The following RALA variants were observed in gnomAD, a reference collection of about 807,000 sequenced individuals.
RALA encodes the protein RAS like proto-oncogene A.
In RALA, 5 loss-of-function variants were observed where a neutral mutation model predicts 24.0. The observed-to-expected ratio is 0.21, with a 90% CI of 0.11 to 0.44. RALA has a LOEUF of 0.44. RALA is among the 20% of genes least tolerant of loss of function. RALA has a pLI of 0.99. For synonymous variants in RALA, 77 were observed against 83.8 expected, an observed-to-expected ratio of 0.92 and a Z score of 0.44; for missense variants, 95 against 241.2, an observed-to-expected ratio of 0.39 and a Z score of 4.01.
At chr7:39,685,038 C>T (rs973448586) in intron 1 of RALA, among the ~76,000 whole-genome samples, 3 of 150,976 alleles carry the variant, frequency 2.0e-5, no homozygotes, top group African/African-American at 7.4e-5. Context: ...AAAGTAATTG[C>T]GGTTTTGCCA....
intron 1 of RALA, among the ~76,000 whole-genome samples, chr7:39,681,211 T>A (rs975355882): frequency 6.6e-6 from 1 of 150,638 alleles, no homozygotes; most frequent in Non-Finnish European, 1.5e-5. Flanking sequence ...AACAACACCT[T>A]CCCATTATGA....
chr7:39,672,605 A>T (rs1018267880), intron 1 of RALA, among the ~76,000 whole-genome samples: 9 of 152,010 alleles, frequency 5.9e-5, no homozygotes, highest in Admixed American at 3.3e-4. Context: ...AATGGAAATA[A>T]CATAAATCAT....
rs566813940 is a variant in RALA at position 39,654,896 on chromosome 7, G to A, written c.-38+31071G>A. Among the ~76,000 whole-genome samples the A allele has an allele frequency of 1.8e-4, 28 of 152,120 alleles. No individual in the cohort carries two copies. In the East Asian group the frequency reaches 2.9e-3, roughly 16 times the overall value. On this transcript the variant is annotated intron_variant, in intron 1 of 4. Coordinates refer to ENST00000005257, the MANE Select transcript of RALA (RefSeq NM_005402.4). ...CTCCCAAGCAGCTGGGGCTATAGGC[G>A]TGTGCCACACTATACCCAGCTAATT...
At chr7:39,628,137 A>G (rs1459482001) in intron 1 of RALA, among the ~76,000 whole-genome samples, 1 of 150,948 alleles carries the variant, frequency 6.6e-6, no homozygotes, top group Non-Finnish European at 1.5e-5. Context: ...AATCTAGTAT[A>G]CTCCTACTGG....
chr7:39,683,718 T>C (rs1283584794), intron 1 of RALA, among the ~76,000 whole-genome samples: 1 of 152,056 alleles, frequency 6.6e-6, no homozygotes, highest in East Asian at 1.9e-4. Flanking sequence ...GTTTGCACTT[T>C]GGAAAAACAT....
intron 1 of RALA, among the ~76,000 whole-genome samples, chr7:39,629,558 G>C (rs1791554196): frequency 6.6e-6 from 1 of 151,928 alleles, no homozygotes; most frequent in African/African-American, 2.4e-5. Flanking sequence ...GGGATTACAG[G>C]TGCACGCCAC....
intron 1 of RALA, among the ~76,000 whole-genome samples, chr7:39,678,853 T>A (rs1409509784): frequency 6.6e-6 from 1 of 152,180 alleles, no homozygotes; most frequent in Non-Finnish European, 1.5e-5. Flanking sequence ...TTATATTTTT[T>A]AAATAAAGTA....
chr7:39,662,586 G>A (rs1792211737), intron 1 of RALA, among the ~76,000 whole-genome samples: 1 of 152,106 alleles, frequency 6.6e-6, no homozygotes. Flanking sequence ...AACATAGCAA[G>A]AGTCACCTTT....
chr7:39,682,610 G>T (rs922872367), intron 1 of RALA, among the ~76,000 whole-genome samples: 2 of 152,110 alleles, frequency 1.3e-5, no homozygotes, highest in Non-Finnish European at 2.9e-5. Context: ...AAGTGCTGTG[G>T]TTTAAATGTG....
intron 1 of RALA, among the ~76,000 whole-genome samples, chr7:39,639,623 A>G (rs746844471): frequency 1.3e-5 from 2 of 152,222 alleles, no homozygotes; most frequent in African/African-American, 2.4e-5. Flanking sequence ...GAGCACTTTT[A>G]TATCATATCC....
intron 1 of RALA, among the ~76,000 whole-genome samples, chr7:39,625,256 G>T (rs1562604077): frequency 6.6e-6 from 1 of 152,166 alleles, no homozygotes; most frequent in Admixed American, 6.5e-5. Context: ...AGCAGTCAGA[G>T]TTCTTTGCCT....
chr7:39,649,298 G>A (rs948552285), intron 1 of RALA, among the ~76,000 whole-genome samples: 2 of 152,176 alleles, frequency 1.3e-5, no homozygotes, highest in African/African-American at 4.8e-5. Context: ...GAAATCCAGA[G>A]ATATAAATTT....
intron 1 of RALA, 75 bp from the exon 2 acceptor site, chr7:39,686,556 G>T: frequency 1.2e-6 from 1 of 833,412 alleles, no homozygotes; most frequent in South Asian, 1.6e-5. Flanking sequence ...TGAACTCTAA[G>T]GACATATCTC....
At chr7:39,669,123 TA>T (rs1021583625) in intron 1 of RALA, among the ~76,000 whole-genome samples, 1 of 151,952 alleles carries the variant, frequency 6.6e-6, no homozygotes, top group African/African-American at 2.4e-5. Context: ...AATAAATAAA[TA>T]AATAAAATAA....
rs541683658 is a variant in RALA at position 39,623,899 on chromosome 7, G to C, written c.-38+74G>C. 1,210 of 152,340 alleles carry C rather than the reference G, an allele frequency of 7.9e-3. 8 individuals are homozygous for C. Among genetic ancestry groups the C allele is most frequent in the Non-Finnish European group, 0.011 (775 of 68,156 alleles). The allele number at this position is 152,340 out of a possible 1,614,324, so 9.4% of individuals were successfully genotyped here. On this transcript the variant is annotated intron_variant, in intron 1 of 4. Transcript: ENST00000005257. This position sits in a 1 kb window ranked among gnomAD's most constrained non-coding sequence, Gnocchi z 4.9. ...GGCGGCGGCGGGGGTGTGTCCGGGCGGCGGCGGGCCGAGGCCCTGACGCGG... is the reference window on the plus strand; with the variant it reads ...GGCGGCGGCGGGGGTGTGTCCGGGCCGCGGCGGGCCGAGGCCCTGACGCGG...
chr7:39,703,447 A>T (rs1793064391), intron 4 of RALA, among the ~76,000 whole-genome samples: 1 of 152,050 alleles, frequency 6.6e-6, no homozygotes, highest in Non-Finnish European at 1.5e-5. Flanking sequence ...ATGCTCCTTC[A>T]TGTTGGTCCT....
chr7:39,706,029 C>T lies in RALA; in HGVS notation c.499-94C>T, dbSNP rs1163941709. 17 of 1,137,024 alleles carry T rather than the reference C, an allele frequency of 1.5e-5. No homozygotes were observed. In the Middle Eastern group the frequency reaches 6.2e-4, roughly 41 times the overall value. The allele number at this position is 1,137,024 out of a possible 1,614,324, so 70.4% of individuals were successfully genotyped here. A position where few individuals can be genotyped will look rare whatever the true frequency, so the allele number is the denominator to read the frequency against. Reference sequence around the variant, plus strand: ...AAACAAGAGCTCTTAAATATTTATACTTCTGTTACCCCCAAAGTTTACTGC... The same window carrying T: ...AAACAAGAGCTCTTAAATATTTATATTTCTGTTACCCCCAAAGTTTACTGC... On this transcript the variant is annotated intron_variant, in intron 4 of 4. Coordinates refer to ENST00000005257, the MANE Select transcript of RALA (RefSeq NM_005402.4).
chr7:39,664,173 A>G lies in RALA; in HGVS notation c.-37-22458A>G, dbSNP rs571558717. On this transcript the variant is annotated intron_variant, in intron 1 of 4. Coordinates refer to ENST00000005257, the MANE Select transcript of RALA (RefSeq NM_005402.4). ...GCAAGCACCAGGATTTAAGGCAGGA[A>G]GGAATAGGCTAACTACTATTTTGTG... Among the ~76,000 whole-genome samples, 16 of 152,362 alleles carry G rather than the reference A, an allele frequency of 1.1e-4. 1 individual carries two copies. The South Asian group carries it at 3.1e-3, about 30-fold the overall frequency.
At chr7:39,646,428 C>T (rs1041862889) in intron 1 of RALA, among the ~76,000 whole-genome samples, 4 of 152,104 alleles carry the variant, frequency 2.6e-5, no homozygotes, top group African/African-American at 7.2e-5. Context: ...TGAGATCAGT[C>T]GGGGCAACAC....
Sources: allele counts gnomAD v4.1 joint callset (sites outside exome capture counted in the v4.1 genomes callset), GRCh38; gene constraint gnomAD v4.1.1; non-coding constraint Gnocchi (gnomAD v3.1); transcripts MANE v1.5; gene names NCBI Gene and HGNC (gene_info 2026-07-23, HGNC 2026-07-21).